KCNK2: variants seen among roughly 807,000 people sequenced by gnomAD.
KCNK2 encodes potassium channel subfamily K member 2.
In KCNK2, 21 loss-of-function variants were observed where a neutral mutation model predicts 40.5. The ratio of observed to expected loss-of-function variants is 0.52; its 90% CI spans 0.37 to 0.75. The LOEUF (loss-of-function observed/expected upper bound fraction) is 0.75. Among genes scored for constraint, KCNK2 ranks in the 30% least tolerant of loss-of-function variants. The probability of loss-of-function intolerance (pLI) is 0.00; values close to 1 mark genes in which losing one functional copy is unlikely to be tolerated. For synonymous variants in KCNK2, 191 were observed against 202.2 expected, an observed-to-expected ratio of 0.94 and a Z score of 0.47; for missense variants, 399 against 531.6, an observed-to-expected ratio of 0.75 and a Z score of 2.45.
chr1:215,048,597 A>G (rs1298197853), intron 1 of KCNK2, among the ~76,000 whole-genome samples: 1 of 152,186 alleles, frequency 6.6e-6, no homozygotes, highest in Non-Finnish European at 1.5e-5. Flanking sequence ...ATGAATTTTG[A>G]CTTAAATTTT....
intron 3 of KCNK2, 74 bp from the exon 4 acceptor site, chr1:215,169,125 T>A: frequency 8.0e-7 from 1 of 1,250,342 alleles, no homozygotes; most frequent in South Asian, 1.6e-5. Flanking sequence ...TTTTTTGGAG[T>A]TTCTGAATCA....
At chr1:215,198,433 C>A (rs1025253049) in intron 6 of KCNK2, among the ~76,000 whole-genome samples, 4 of 152,094 alleles carry the variant, frequency 2.6e-5, no homozygotes, top group Admixed American at 2.6e-4. Flanking sequence ...AGGGAAAGGC[C>A]CCTTATAATT....
intron 5 of KCNK2, among the ~76,000 whole-genome samples, chr1:215,176,260 T>A (rs992784896): frequency 6.6e-6 from 1 of 152,170 alleles, no homozygotes; most frequent in African/African-American, 2.4e-5. Flanking sequence ...GTGGGGCATT[T>A]TTTTATATGT....
At chr1:215,193,824 G>A (rs191549717) in intron 5 of KCNK2, among the ~76,000 whole-genome samples, 59 of 152,200 alleles carry the variant, frequency 3.9e-4, no homozygotes, top group Non-Finnish European at 7.9e-4. Context: ...CTACTTATCT[G>A]CTCTTTGGCC....
rs144007192 is a variant in KCNK2 at position 215,051,401 on chromosome 1, T to C, written c.35-34967T>C. 3.7e-4 allele frequency among the ~76,000 whole-genome samples: 56 copies of C among 152,360 alleles called. No homozygotes were observed. In the East Asian group the frequency reaches 9.4e-3, roughly 26 times the overall value. On this transcript the variant is annotated intron_variant, in intron 1 of 6. Transcript: ENST00000391895. ...CAGACACAATTACAGAGCTGTCTTG[T>C]TTTTGTCTTGATCCATCATATTACA...
chr1:215,049,996 C>T (rs754204222), intron 1 of KCNK2, among the ~76,000 whole-genome samples: 6 of 152,164 alleles, frequency 3.9e-5, no homozygotes, highest in Non-Finnish European at 5.9e-5. Flanking sequence ...GAGCCTGTGC[C>T]TTCCTCCATA....
At chr1:215,051,930 T>C (rs1658003871) in intron 1 of KCNK2, among the ~76,000 whole-genome samples, 1 of 152,172 alleles carries the variant, frequency 6.6e-6, no homozygotes, top group Non-Finnish European at 1.5e-5. Flanking sequence ...AAGTAAAGAA[T>C]ATGCTCACCT....
intron 1 of KCNK2, among the ~76,000 whole-genome samples, chr1:215,072,224 T>C (rs1658780951): frequency 6.6e-6 from 1 of 152,206 alleles, no homozygotes; most frequent in East Asian, 1.9e-4. Context: ...TCTGTTCTCA[T>C]GCTGCTAATA....
intron 2 of KCNK2, among the ~76,000 whole-genome samples, chr1:215,112,103 C>A (rs1488326201): frequency 6.6e-6 from 1 of 151,948 alleles, no homozygotes; most frequent in Non-Finnish European, 1.5e-5. Flanking sequence ...ACTTCTAGAG[C>A]GTGTTAGGTC....
chr1:215,045,430 A>AT (rs1201033077), intron 1 of KCNK2, among the ~76,000 whole-genome samples: 1 of 152,178 alleles, frequency 6.6e-6, no homozygotes, highest in Non-Finnish European at 1.5e-5. Flanking sequence ...TCATTTCTGA[A>AT]TGTGACAATT....
chr1:215,224,822 AT>A (rs1178043482), intron 6 of KCNK2, among the ~76,000 whole-genome samples: 1 of 152,152 alleles, frequency 6.6e-6, no homozygotes, highest in African/African-American at 2.4e-5. Context: ...AATCTCAATC[AT>A]TTTAAAATTT....
At chr1:215,220,543 T>C (rs1666129355) in intron 6 of KCNK2, among the ~76,000 whole-genome samples, 1 of 152,030 alleles carries the variant, frequency 6.6e-6, no homozygotes, top group African/African-American at 2.4e-5. Context: ...TCTGGTACCA[T>C]GGCCCTCTCC....
At chr1:215,007,300 G>T (rs779540172) in intron 1 of KCNK2, among the ~76,000 whole-genome samples, 1 of 144,920 alleles carries the variant, frequency 6.9e-6, no homozygotes, top group African/African-American at 2.6e-5. Context: ...AGCACTTCTG[G>T]AGCCCCCTTT....
At chr1:215,153,115 G>A (rs1174435861) in intron 3 of KCNK2, among the ~76,000 whole-genome samples, 1 of 152,146 alleles carries the variant, frequency 6.6e-6, no homozygotes, top group Admixed American at 6.6e-5. Context: ...AGGGTAGAAA[G>A]GCTGCTATTA....
intron 6 of KCNK2, among the ~76,000 whole-genome samples, chr1:215,220,332 GC>G (rs1279504402): frequency 1.3e-5 from 2 of 152,088 alleles, no homozygotes; most frequent in African/African-American, 4.8e-5. Context: ...CTTGTGTGTA[GC>G]CAATCTTGAG....
At chr1:215,183,332 T>G (rs975943123) in intron 5 of KCNK2, among the ~76,000 whole-genome samples, 14 of 152,168 alleles carry the variant, frequency 9.2e-5, no homozygotes, top group Admixed American at 7.9e-4. Flanking sequence ...CTTGGCTACG[T>G]AAAATATTTT....
chr1:215,186,344 T>C (rs933246956), intron 5 of KCNK2, among the ~76,000 whole-genome samples: 1 of 151,982 alleles, frequency 6.6e-6, no homozygotes, highest in Non-Finnish European at 1.5e-5. Flanking sequence ...CGGTGGGCTA[T>C]GAAGGTGCCA....
At chr1:215,076,287 G>C (rs1658924927) in intron 1 of KCNK2, among the ~76,000 whole-genome samples, 1 of 152,190 alleles carries the variant, frequency 6.6e-6, no homozygotes, top group South Asian at 2.1e-4. Context: ...TTGGTGCATA[G>C]AAAACTAGCC....
chr1:215,221,029 C>A (rs1397124832), intron 6 of KCNK2, among the ~76,000 whole-genome samples: 1 of 152,172 alleles, frequency 6.6e-6, no homozygotes, highest in Admixed American at 6.5e-5. Flanking sequence ...GGGCACTGAC[C>A]CCTTTCCCTG....
Sources: allele counts gnomAD v4.1 joint callset (sites outside exome capture counted in the v4.1 genomes callset), GRCh38; gene constraint gnomAD v4.1.1; transcripts MANE v1.5; gene names NCBI Gene and HGNC (gene_info 2026-07-23, HGNC 2026-07-21).